Variants in TRIP11 observed in about 807,000 individuals in gnomAD.
TRIP11 encodes thyroid hormone receptor interactor 11, also known as thyroid receptor-interacting protein 11.
TRIP11 carries 148 observed loss-of-function variants against 223.1 expected under a neutral mutation model. The ratio of observed to expected loss-of-function variants is 0.66; its 90% CI spans 0.58 to 0.76. The LOEUF is 0.76. Among genes scored for constraint, TRIP11 ranks in the 30% least tolerant of loss-of-function variants. The probability of loss-of-function intolerance (pLI) is 0.00; values close to 1 mark genes in which losing one functional copy is unlikely to be tolerated. For synonymous variants in TRIP11, 762 were observed against 772.6 expected, an observed-to-expected ratio of 0.99 and a Z score of 0.23; for missense variants, 2,043 against 2,222.0, an observed-to-expected ratio of 0.92 and a Z score of 1.62.
At position 92,006,112 on chromosome 14, in the gene TRIP11, T is replaced by G; in HGVS notation, c.1864A>C (p.Arg622=). 6.2e-7 allele frequency: 1 copy of G among 1,607,734 alleles called. No homozygotes were observed. The highest frequency in any genetic ancestry group is 8.5e-7 in the Non-Finnish European group (1 of 1,178,080). Residue 622 remains arginine (R), a synonymous_variant, in exon 11 of 21, where the codon AGA becomes CGA. Transcript: ENST00000267622. ...GACTGCATTAACTCATTCCTTATTC[T>G]AGAAAGCTCCTCCTCATTTTGTCTA... ...HIRQNEEELS[R]IRNELMQSLN...
At chr14:91,994,771 G>A (rs975495347) in intron 14 of TRIP11, among the ~76,000 whole-genome samples, 1 of 152,158 alleles carries the variant, frequency 6.6e-6, no homozygotes, top group Non-Finnish European at 1.5e-5. Context: ...AAGGATAGGA[G>A]GTAGAATGTG....
chr14:92,004,180 C>G lies in TRIP11; in HGVS notation c.3796G>C (p.Asp1266His). 1 of 1,614,156 alleles carries G rather than the reference C, an allele frequency of 6.2e-7. No homozygotes were observed. Among genetic ancestry groups the G allele is most frequent in the Non-Finnish European group, 8.5e-7 (1 of 1,180,032 alleles). ...DSDNNSKLQVDYTGLIQSYEQ... is the reference protein window; with the variant it reads ...DSDNNSKLQVHYTGLIQSYEQ... ...TAACTTTGGATCAGGCCAGTATAGT[C>G]CACTTGTAATTTAGAATTATTATCA... is the stretch of plus-strand genomic sequence containing the variant. The change falls in exon 11 of 21, where the codon GAC becomes CAC. Residue 1266 changes from aspartate (D) to histidine (H), a missense_variant. Transcript: ENST00000267622.
intron 2 of TRIP11, among the ~76,000 whole-genome samples, chr14:92,031,733 G>T (rs897381028): frequency 1.3e-5 from 2 of 152,126 alleles, no homozygotes; most frequent in Non-Finnish European, 1.5e-5. Flanking sequence ...AAAGAACATT[G>T]CTTATTTTGA....
intron 16 of TRIP11, among the ~76,000 whole-genome samples, chr14:91,985,024 C>A: frequency 6.6e-6 from 1 of 152,216 alleles, no homozygotes; most frequent in Non-Finnish European, 1.5e-5. Flanking sequence ...GTTACTTTCC[C>A]GGGAAGAGGG....
At chr14:91,995,206 T>C in intron 14 of TRIP11, 146 bp downstream of exon 14, 1 of 854,928 alleles carries the variant, frequency 1.2e-6, no homozygotes, top group Non-Finnish European at 1.8e-6. Flanking sequence ...CTAAATTAAC[T>C]TTTTGATGGC....
At chr14:92,016,001 AC>A in intron 5 of TRIP11, 140 bp from the exon 6 acceptor site, 1 of 819,760 alleles carries the variant, frequency 1.2e-6, no homozygotes, top group Non-Finnish European at 1.9e-6. Context: ...TTAAACACAG[AC>A]CCAAAATTAG....
At chr14:91,980,435 G>A (rs1285129776) in intron 16 of TRIP11, among the ~76,000 whole-genome samples, 5 of 152,174 alleles carry the variant, frequency 3.3e-5, no homozygotes, top group African/African-American at 1.2e-4. Flanking sequence ...AAGTGGATAT[G>A]AATCATGGTC....
chr14:91,973,080 C>T (rs1367708089), intron 19 of TRIP11, among the ~76,000 whole-genome samples: 1 of 145,988 alleles, frequency 6.8e-6, no homozygotes, highest in Non-Finnish European at 1.5e-5. Flanking sequence ...GGCTGGAGTG[C>T]AATGGCACTA....
intron 7 of TRIP11, among the ~76,000 whole-genome samples, chr14:92,012,470 T>C (rs74073687): frequency 0.013 from 2,006 of 152,278 alleles, 30 homozygotes; most frequent in African/African-American, 0.045. Context: ...CACAGGATTA[T>C]AACATAGTAT....
intron 2 of TRIP11, among the ~76,000 whole-genome samples, chr14:92,031,086 C>CA (rs1355042250): frequency 6.6e-6 from 1 of 151,776 alleles, no homozygotes; most frequent in Non-Finnish European, 1.5e-5. Flanking sequence ...ATCGTCTCTA[C>CA]AAAAAATTTT....
chr14:92,024,711 A>G (rs2057159771), intron 3 of TRIP11, among the ~76,000 whole-genome samples: 1 of 152,236 alleles, frequency 6.6e-6, no homozygotes, highest in Non-Finnish European at 1.5e-5. Flanking sequence ...AAATGGTTCC[A>G]TTCAATGTAA....
At position 91,969,664 on chromosome 14, in the gene TRIP11, G is replaced by T; in HGVS notation, c.*9C>A. On this transcript the variant is annotated 3_prime_UTR_variant, in exon 21 of 21. Transcript: ENST00000267622. Reference sequence around the variant, plus strand: ...TAAAGTGCTAGATTGTCTCTGGCTTGAGAATCATCTATTGCTTTAAAAGGT... The same window carrying T: ...TAAAGTGCTAGATTGTCTCTGGCTTTAGAATCATCTATTGCTTTAAAAGGT... The T allele has an allele frequency of 9.3e-6, 15 of 1,611,354 alleles. No individual in the cohort carries two copies. The highest frequency in any genetic ancestry group is 1.3e-5 in the Non-Finnish European group (15 of 1,179,224).
Position 92,004,723 on chromosome 14 carries a change from C to A in TRIP11, c.3253G>T (p.Val1085Phe). The A allele has an allele frequency of 6.2e-7, 1 of 1,614,058 alleles. No individual in the cohort carries two copies. Among genetic ancestry groups the A allele is most frequent in the Non-Finnish European group, 8.5e-7 (1 of 1,179,946 alleles). Residue 1085 changes from valine (V) to phenylalanine (F), a missense_variant, in exon 11 of 21, where the codon GTT (valine) becomes TTT (phenylalanine). By Grantham distance (50) the Val-to-Phe change is conservative. Transcript: ENST00000267622. ...ISSTSHTQDV[V>F]YLQQQLQAYA... ...GCCTGCAGTTGCTGTTGAAGGTAAA[C>A]AACATCTTGAGTATGGGAAGTTGAA...
intron 6 of TRIP11, 137 bp from the exon 7 acceptor site, chr14:92,014,714 G>A: frequency 1.1e-6 from 1 of 888,518 alleles, no homozygotes. Context: ...TAAACTAAGT[G>A]TTTTAAAATA....
chr14:91,993,770 GA>G, intron 15 of TRIP11, 38 bp downstream of exon 15: 1 of 1,474,284 alleles, frequency 6.8e-7, no homozygotes. Flanking sequence ...ACTGTTCCAT[GA>G]ATAATAAAAC....
At chr14:91,997,708 C>G (rs1032244279) in intron 13 of TRIP11, among the ~76,000 whole-genome samples, 28 of 151,970 alleles carry the variant, frequency 1.8e-4, no homozygotes, top group African/African-American at 6.5e-4. Flanking sequence ...GTGAGTAATA[C>G]AGTTTGGCTG....
rs776532192 is a variant in TRIP11, at chr14:92,005,814, A to G, written c.2162T>C (p.Ile721Thr). The change falls in exon 11 of 21, where the codon ATA (isoleucine) becomes ACA (threonine). Residue 721 changes from isoleucine to threonine, a missense_variant. Transcript: ENST00000267622. ...TTTAGCCCAACACAATTCTGCCTCT[A>G]TCTCTCCTTTTTCCATTTTTAGAGT... ...VETLKMEKGE[I>T]EAELCWAKKR... is the part of the protein sequence containing the mutation. 6.2e-7 allele frequency: 1 copy of G among 1,613,846 alleles called. No individual in the cohort carries two copies. The highest frequency in any genetic ancestry group is 1.3e-5 in the African/African-American group (1 of 74,884).
At chr14:91,972,974 G>A in intron 19 of TRIP11, 113 bp from the exon 20 acceptor site, 2 of 846,690 alleles carry the variant, frequency 2.4e-6, no homozygotes, top group Admixed American at 3.1e-5. Flanking sequence ...CATGCCACTT[G>A]AATAATTTTT....
Position 91,978,461 on chromosome 14 carries a change from T to C in TRIP11, c.5261-2272A>G, listed in dbSNP as rs1285797866. 1.3e-5 allele frequency among the ~76,000 whole-genome samples: 2 copies of C among 152,196 alleles called. No homozygotes were observed. The highest frequency in any genetic ancestry group is 2.9e-5 in the Non-Finnish European group (2 of 68,050). Reference sequence around the variant, plus strand: ...ATTAGTAATTTGTATATTGATTACATGTCTATATAATAATTTGGTTATACT... The same window carrying C: ...ATTAGTAATTTGTATATTGATTACACGTCTATATAATAATTTGGTTATACT... On this transcript the variant is annotated intron_variant, in intron 16 of 20. Transcript: ENST00000267622. The surrounding 1 kb of genome is among the most constrained non-coding windows in gnomAD (Gnocchi z 4.4).
Sources: allele counts gnomAD v4.1 joint callset (sites outside exome capture counted in the v4.1 genomes callset), GRCh38; gene constraint gnomAD v4.1.1; non-coding constraint Gnocchi (gnomAD v3.1); transcripts MANE v1.5; gene names NCBI Gene and HGNC (gene_info 2026-07-23, HGNC 2026-07-21).